MLLT10: variants seen among roughly 807,000 people sequenced by gnomAD.
The protein encoded by MLLT10 is protein AF-10.
MLLT10 carries 30 observed loss-of-function variants against 129.1 expected under a neutral mutation model. The ratio of observed to expected loss-of-function variants is 0.23; its 90% CI spans 0.17 to 0.32. The LOEUF (loss-of-function observed/expected upper bound fraction) is 0.32. Among genes scored for constraint, MLLT10 ranks in the 10% least tolerant of loss-of-function variants. The pLI, the probability that MLLT10 is intolerant of heterozygous loss-of-function variation, is 1.00. For missense variants in MLLT10, 1,119 were observed against 1,268.3 expected (o/e 0.88, Z 1.79); for synonymous variants, 490 against 446.4 (o/e 1.10, Z -1.23).
rs548371782 is a variant in MLLT10 at position 21,615,006 on chromosome 10, A to G, written c.603+82A>G. 276 of 1,143,750 alleles carry G rather than the reference A, an allele frequency of 2.4e-4. 1 individual carries two copies. Among genetic ancestry groups the G allele is most frequent in the South Asian group, 4.6e-4 (29 of 62,470 alleles). 70.9% of individuals were successfully genotyped at this position (1,143,750 alleles called of 1,614,324 possible). Reference sequence around the variant, plus strand: ...GACACTGTTTTATTAAAAAAAGCATATAACAGTTCCTTTTTCCTTGAGTTT... The same window carrying G: ...GACACTGTTTTATTAAAAAAAGCATGTAACAGTTCCTTTTTCCTTGAGTTT... On this transcript the variant is annotated intron_variant, in intron 7 of 22. Coordinates refer to ENST00000307729, the MANE Select transcript of MLLT10 (RefSeq NM_001195626.3).
chr10:21,596,226 G>T (rs906897286), intron 5 of MLLT10, among the ~76,000 whole-genome samples: 3 of 151,816 alleles, frequency 2.0e-5, no homozygotes, highest in Non-Finnish European at 2.9e-5. Context: ...TTTTTTCTGT[G>T]TATTTTTGCT....
chr10:21,594,553 CAAA>C (rs34844830), intron 4 of MLLT10, among the ~76,000 whole-genome samples: 3,661 of 57,326 alleles, frequency 0.064, 62 homozygotes, highest in Non-Finnish European at 0.087. Context: ...AACTCTGTCT[CAAA>C]AAAAAAAAAA....
At chr10:21,579,856 C>G (rs1364823369) in intron 3 of MLLT10, among the ~76,000 whole-genome samples, 1 of 152,072 alleles carries the variant, frequency 6.6e-6, no homozygotes, top group South Asian at 2.1e-4. Context: ...AGCCACCATG[C>G]CTGGCCTCAG....
chr10:21,719,896 T>G (rs2057007900), intron 14 of MLLT10, among the ~76,000 whole-genome samples: 1 of 152,220 alleles, frequency 6.6e-6, no homozygotes, highest in African/African-American at 2.4e-5. Flanking sequence ...CAATTTCTGT[T>G]AAAACTCATA....
chr10:21,733,145 TA>T, intron 18 of MLLT10, 58 bp downstream of exon 18: 1 of 1,482,010 alleles, frequency 6.7e-7, no homozygotes, highest in South Asian at 1.3e-5. Context: ...GTTTTATTTG[TA>T]TTATAAGTGA....
chr10:21,632,712 G>A (rs529256636), intron 8 of MLLT10, among the ~76,000 whole-genome samples: 1 of 152,142 alleles, frequency 6.6e-6, no homozygotes, highest in South Asian at 2.1e-4. Context: ...TCCTTTCTAT[G>A]GCCTCTCTTT....
At chr10:21,655,783 G>A (rs1415618539) in intron 9 of MLLT10, among the ~76,000 whole-genome samples, 1 of 152,186 alleles carries the variant, frequency 6.6e-6, no homozygotes, top group Non-Finnish European at 1.5e-5. Context: ...AAGTAACGTT[G>A]AGATAGCTAC....
At chr10:21,718,578 T>C (rs1165452246) in intron 14 of MLLT10, among the ~76,000 whole-genome samples, 1 of 152,220 alleles carries the variant, frequency 6.6e-6, no homozygotes, top group African/African-American at 2.4e-5. Context: ...AATACAATCT[T>C]CATGTGATAA....
chr10:21,621,188 G>A (rs1419215473), intron 8 of MLLT10, among the ~76,000 whole-genome samples: 2 of 143,334 alleles, frequency 1.4e-5, no homozygotes, highest in African/African-American at 5.2e-5. Flanking sequence ...TAGAGATGGG[G>A]TTTCACTGTG....
At chr10:21,610,666 G>T (rs2044519899) in intron 5 of MLLT10, among the ~76,000 whole-genome samples, 1 of 151,008 alleles carries the variant, frequency 6.6e-6, no homozygotes, top group Non-Finnish European at 1.5e-5. Flanking sequence ...AAGTTTTATG[G>T]GATGGTTAAG....
chr10:21,635,102 C>G (rs1394536242), intron 8 of MLLT10, among the ~76,000 whole-genome samples: 1 of 152,162 alleles, frequency 6.6e-6, no homozygotes, highest in African/African-American at 2.4e-5. Context: ...ACTGTGTACC[C>G]CATGCGCTTA....
intron 8 of MLLT10, among the ~76,000 whole-genome samples, chr10:21,641,793 T>C (rs2048030052): frequency 6.6e-6 from 1 of 152,204 alleles, no homozygotes; most frequent in African/African-American, 2.4e-5. Flanking sequence ...CTCTAAGTGA[T>C]GGAATACTCA....
chr10:21,641,712 A>T (rs372257085), intron 8 of MLLT10, among the ~76,000 whole-genome samples: 2 of 152,200 alleles, frequency 1.3e-5, no homozygotes, highest in South Asian at 4.1e-4. Flanking sequence ...TTTAAGTTTA[A>T]TAATAGAAAT....
chr10:21,610,974 T>C (rs908788719), intron 5 of MLLT10, among the ~76,000 whole-genome samples: 1 of 141,248 alleles, frequency 7.1e-6, no homozygotes, highest in Non-Finnish European at 1.6e-5. Context: ...AGTTTTTCTT[T>C]CTTTTTTCTC....
At chr10:21,624,212 A>C (rs1245739182) in intron 8 of MLLT10, among the ~76,000 whole-genome samples, 1 of 152,172 alleles carries the variant, frequency 6.6e-6, no homozygotes, top group East Asian at 1.9e-4. Context: ...TTGTATTTTT[A>C]TTTACAGCAT....
intron 4 of MLLT10, among the ~76,000 whole-genome samples, chr10:21,589,799 A>G (rs1226139154): frequency 2.6e-5 from 4 of 152,200 alleles, no homozygotes; most frequent in East Asian, 1.9e-4. Flanking sequence ...TGAATTCTAT[A>G]TAGAACTTCG....
At chr10:21,597,171 G>A (rs1391619440) in intron 5 of MLLT10, among the ~76,000 whole-genome samples, 1 of 152,004 alleles carries the variant, frequency 6.6e-6, no homozygotes, top group African/African-American at 2.4e-5. Context: ...AATATAATAT[G>A]CTGTCACCCC....
At chr10:21,614,417 C>T (rs1468113792) in intron 6 of MLLT10, among the ~76,000 whole-genome samples, 1 of 151,982 alleles carries the variant, frequency 6.6e-6, no homozygotes, top group African/African-American at 2.4e-5. Context: ...CATCCATGGG[C>T]TAAATACCAT....
At chr10:21,647,516 A>G (rs1383572077) in intron 8 of MLLT10, among the ~76,000 whole-genome samples, 1 of 152,148 alleles carries the variant, frequency 6.6e-6, no homozygotes, top group Non-Finnish European at 1.5e-5. Context: ...AGTGTTCTTT[A>G]TATGTTTACA....
Sources: allele counts gnomAD v4.1 joint callset (sites outside exome capture counted in the v4.1 genomes callset), GRCh38; gene constraint gnomAD v4.1.1; transcripts MANE v1.5; gene names NCBI Gene and HGNC (gene_info 2026-07-23, HGNC 2026-07-21).